Variants in IPO4 observed in about 807,000 individuals in gnomAD.
The protein encoded by IPO4 is importin 4.
A neutral mutation model predicts 133.5 loss-of-function variants in IPO4; 91 were observed. That is an observed-to-expected ratio of 0.68 (90% CI 0.58 to 0.81). The LOEUF (loss-of-function observed/expected upper bound fraction) is 0.81. Among genes scored for constraint, IPO4 ranks in the 30% least tolerant of loss-of-function variants. The probability of loss-of-function intolerance (pLI) is 0.00; values close to 1 mark genes in which losing one functional copy is unlikely to be tolerated. For synonymous variants in IPO4, 607 were observed against 581.6 expected (o/e 1.04, Z -0.63); for missense variants, 1,279 against 1,386.2 (o/e 0.92, Z 1.23).
At position 24,187,543 on chromosome 14, in the gene IPO4, G is replaced by A. The variant is rs760466983; in HGVS notation, c.445C>T (p.Arg149Trp). The A allele has an allele frequency of 1.3e-5, 21 of 1,614,022 alleles. No individual in the cohort carries two copies. Among genetic ancestry groups the A allele is most frequent in the East Asian group, 4.5e-5 (2 of 44,900 alleles). The change falls in exon 6 of 30, where the codon CGG becomes TGG. Residue 149 changes from arginine (R) to tryptophan (W), a missense_variant. Physicochemically the swap from Arg to Trp is moderately radical, Grantham distance 101 (BLOSUM62 -3). Transcript: ENST00000354464. The part of the protein sequence containing the change: ...LLLLSVVVTS[R>W]PEAFQPHHRE... ...TGGTGGGGTTGGAAGGCCTCGGGCCGGGAGGTCACCACCACACTTAGCAGC... is the reference window on the plus strand; with the variant it reads ...TGGTGGGGTTGGAAGGCCTCGGGCCAGGAGGTCACCACCACACTTAGCAGC...
intron 24 of IPO4, 154 bp downstream of exon 24, chr14:24,182,638 G>T: frequency 1.0e-6 from 1 of 1,000,660 alleles, no homozygotes; most frequent in Non-Finnish European, 1.6e-6. Context: ...AACTCCCACT[G>T]GCTTAGTGGG....
chr14:24,188,459 A>C (rs1480232409), intron 2 of IPO4, 36 bp from the exon 3 acceptor site: 8 of 1,609,768 alleles, frequency 5.0e-6, no homozygotes, highest in Non-Finnish European at 6.8e-6. Flanking sequence ...GGGTCCGGGC[A>C]GGAAGGTGCT....
rs1202471361 is a variant in IPO4, at chr14:24,184,851, C to A, written c.1522+16G>T. ...TGGGTGAACCCCACATCCCTGCCTC[C>A]TGCCTCTCTCCTCACCAATGGCTCC... On this transcript the variant is annotated intron_variant, in intron 15 of 29. Transcript: ENST00000354464. The A allele has an allele frequency of 1.9e-6, 3 of 1,611,816 alleles. No individual in the cohort carries two copies. The highest frequency in any genetic ancestry group is 2.5e-6 in the Non-Finnish European group (3 of 1,178,282).
chr14:24,183,972 G>GGGCCCC, intron 18 of IPO4, 26 bp downstream of exon 18: 2 of 1,573,274 alleles, frequency 1.3e-6, no homozygotes, highest in Non-Finnish European at 1.7e-6. Context: ...GGCAGGCCTG[G>GGGCCCC]CCCAGCCCAC....
chr14:24,188,375 A>AGCGGGTGTTCAGTCGTCT lies in IPO4; in HGVS notation c.187_204dup (p.Arg63_Arg68dup). On this transcript the variant is annotated inframe_insertion, in exon 3 of 30. Transcript: ENST00000354464. ...CGTTGCTCCGCCGCCAGCCGTCGCC[A>AGCGGGTGTTCAGTCGTCT]GCGGGTGTTCAGTCGTCTGCGGGTC... is the stretch of plus-strand genomic sequence containing the variant. 6.2e-7 allele frequency: 1 copy of AGCGGGTGTTCAGTCGTCT among 1,610,558 alleles called. No homozygotes were observed. Among genetic ancestry groups the AGCGGGTGTTCAGTCGTCT allele is most frequent in the Non-Finnish European group, 8.5e-7 (1 of 1,178,864 alleles).
In IPO4 at chr14:24,183,354, C is replaced by A; in HGVS notation, c.2123G>T (p.Cys708Phe). ...TGCCTTCCGCACATTCAGGTGAGGG[C>A]ACTGCAGGATGAGGAGGGGCGGGAT... The part of the protein sequence containing the change: ...VFEEVFKLLE[C>F]PHLNVRKAAH... The change falls in exon 22 of 30, where the codon TGC becomes TTC. Residue 708 changes from cysteine to phenylalanine, a missense_variant and splice_region_variant. Cys to Phe is a radical substitution (Grantham distance 205, BLOSUM62 -2). This residue lies in a region of IPO4 where 575 missense variants were observed against 653.4 expected (regional missense o/e 0.88). Transcript: ENST00000354464. 1 of 1,608,166 alleles carries A rather than the reference C, an allele frequency of 6.2e-7. No homozygotes were observed. The highest frequency in any genetic ancestry group is 8.5e-7 in the Non-Finnish European group (1 of 1,176,898).
chr14:24,182,861 C>T lies in IPO4; in HGVS notation c.2422-19G>A. The T allele has an allele frequency of 1.2e-6, 2 of 1,613,380 alleles. No homozygotes were observed. The highest frequency in any genetic ancestry group is 1.3e-5 in the African/African-American group (1 of 74,630). The stretch of plus-strand genomic sequence containing the variant: ...AGGCTGTCTACAAGAAGTAGCTCAA[C>T]TTAGCGGAGCTTTCACGCCCCTTCT... On this transcript the variant is annotated intron_variant, in intron 23 of 29. Transcript: ENST00000354464.
chr14:24,186,239 C>T, intron 10 of IPO4, 48 bp downstream of exon 10: 2 of 1,607,160 alleles, frequency 1.2e-6, no homozygotes, highest in Non-Finnish European at 1.7e-6. Context: ...TCCCCAACGT[C>T]CCACAGCCAC....
In IPO4 at chr14:24,187,673, C is replaced by T. The variant is rs753229046; in HGVS notation, c.402G>A (p.Glu134=). The T allele has an allele frequency of 1.2e-6, 2 of 1,614,146 alleles. No homozygotes were observed. The highest frequency in any genetic ancestry group is 1.3e-5 in the African/African-American group (1 of 75,072). ...GCCAACCATGTGATGGTACCTCTCTCTCTGGGCTGTGGGGGCTGTGGGTAC... is the reference window on the plus strand; with the variant it reads ...GCCAACCATGTGATGGTACCTCTCTTTCTGGGCTGTGGGGGCTGTGGGTAC... The part of the protein sequence containing the change: ...QHSTHSPHSP[E]REMGLLLLSV... Residue 134 remains glutamate (E), a synonymous_variant, in exon 5 of 30, where the codon GAG becomes GAA. Coordinates refer to ENST00000354464, the MANE Select transcript of IPO4 (RefSeq NM_024658.4).
chr14:24,183,946 A>C lies in IPO4; in HGVS notation c.1870-48T>G, dbSNP rs754579117. The C allele has an allele frequency of 5.6e-6, 9 of 1,613,608 alleles. No homozygotes were observed. In the East Asian group the frequency reaches 2.0e-4, roughly 36 times the overall value. ...ACTTTGGCTCAGCTGGGCCCAGGAG[A>C]TAAATCCCATTGCAGGGCAGGCCTG... On this transcript the variant is annotated intron_variant, in intron 18 of 29. Coordinates refer to ENST00000354464, the MANE Select transcript of IPO4 (RefSeq NM_024658.4).
At chr14:24,185,409 G>A (rs2039204909) in intron 13 of IPO4, 50 bp downstream of exon 13, 1 of 1,610,052 alleles carries the variant, frequency 6.2e-7, no homozygotes, top group African/African-American at 1.3e-5. Context: ...GATGAAAGAT[G>A]AGGGGAAGGG....
Position 24,187,140 on chromosome 14 carries a change from C to G in IPO4, c.599G>C (p.Arg200Pro), listed in dbSNP as rs757410149. ...YLSTEDVPLA[R>P]MLVPKLIMAM... ...CATGATCAGCTTGGGCACCAACATC[C>G]GAGCGAGAGGCTGAGGGACACATCA... The change falls in exon 7 of 30, where the codon CGG (arginine) becomes CCG (proline). Residue 200 changes from arginine to proline, a missense_variant. Arg to Pro is a moderately radical substitution (Grantham distance 103). Coordinates refer to ENST00000354464, the MANE Select transcript of IPO4 (RefSeq NM_024658.4). The G allele has an allele frequency of 3.7e-6, 6 of 1,613,752 alleles. No homozygotes were observed. Among genetic ancestry groups the G allele is most frequent in the Middle Eastern group, 3.3e-4 (2 of 6,062 alleles).
Position 24,184,783 on chromosome 14 carries a change from A to C in IPO4, c.1523-20T>G. On this transcript the variant is annotated intron_variant, in intron 15 of 29. Coordinates refer to ENST00000354464, the MANE Select transcript of IPO4 (RefSeq NM_024658.4). The stretch of plus-strand genomic sequence containing the variant: ...CCGTAGCTGCAGGATGGAAGGACAG[A>C]ATCAGAGCTGGAGAGGGCAGGGACC... 1 of 1,609,008 alleles carries C rather than the reference A, an allele frequency of 6.2e-7. No homozygotes were observed. Among genetic ancestry groups the C allele is most frequent in the Admixed American group, 1.7e-5 (1 of 59,792 alleles).
rs2039222529 is a variant in IPO4 at position 24,186,340 on chromosome 14, C to T, written c.952G>A (p.Glu318Lys). The T allele has an allele frequency of 1.2e-6, 2 of 1,613,006 alleles. No homozygotes were observed. Among genetic ancestry groups the T allele is most frequent in the Non-Finnish European group, 1.7e-6 (2 of 1,179,414 alleles). The change falls in exon 10 of 30, where the codon GAA (glutamate) becomes AAA (lysine). Residue 318 changes from glutamate (E) to lysine (K), a missense_variant. Glu to Lys is a moderately conservative substitution (Grantham distance 56, BLOSUM62 1). Transcript: ENST00000354464. The stretch of plus-strand genomic sequence containing the variant: ...CCCATCAGCTCAATCTCCAACTCTT[C>T]CTCTTCTGAATCCTGGTCCTCGGGA... ...LDPEDQDSEE[E>K]ELEIELMGET...
chr14:24,182,100 C>A lies in IPO4; in HGVS notation c.2662G>T (p.Gly888Cys), dbSNP rs1257493746. The stretch of plus-strand genomic sequence containing the variant: ...AACTGGGCTGAGGCAGCACCCAGGC[C>A]CTGAATAGTCTCTGCCAAGGTCCCC... ...AVGTLAETIQ[G>C]LGAASAQFVS... The change falls in exon 26 of 30, where the codon GGC becomes TGC. Residue 888 changes from glycine to cysteine, a missense_variant. Transcript: ENST00000354464. 1 of 1,614,032 alleles carries A rather than the reference C, an allele frequency of 6.2e-7. No individual in the cohort carries two copies. The highest frequency in any genetic ancestry group is 1.7e-5 in the Admixed American group (1 of 60,026).
rs762717185 is a variant in IPO4 at position 24,183,523 on chromosome 14, G to A, written c.2064-10C>T. On this transcript the variant is annotated splice_polypyrimidine_tract_variant and intron_variant, in intron 20 of 29. Transcript: ENST00000354464. ...TGGAAGGAAGGCCACACTACAGAGA[G>A]AGACACAGCCGTGGGTAAGGGGCCC... The A allele has an allele frequency of 1.2e-6, 2 of 1,613,952 alleles. No homozygotes were observed. Among genetic ancestry groups the A allele is most frequent in the Non-Finnish European group, 1.7e-6 (2 of 1,179,984 alleles).
Position 24,188,629 on chromosome 14 carries a change from G to T in IPO4, c.79C>A (p.Gln27Lys). The part of the protein sequence containing the change: ...DTERIRRATE[Q>K]LQIVLRAPAA... ...GGGGCCCGAAGAACGATCTGGAGCT[G>T]TTCCGTGGCCTGGGGGGAAGCTAGG... Residue 27 changes from glutamine (Q) to lysine (K), a missense_variant, in exon 2 of 30, where the codon CAG becomes AAG. Gln to Lys is a moderately conservative substitution (Grantham distance 53). Transcript: ENST00000354464. 1 of 1,611,370 alleles carries T rather than the reference G, an allele frequency of 6.2e-7. No individual in the cohort carries two copies.
rs760865675 is a variant in IPO4 at position 24,185,337 on chromosome 14, T to G, written c.1279-25A>C. 3.1e-6 allele frequency: 5 copies of G among 1,613,840 alleles called. No individual in the cohort carries two copies. The Admixed American group carries it at 8.3e-5, about 27-fold the overall frequency. On this transcript the variant is annotated intron_variant, in intron 13 of 29. Transcript: ENST00000354464. ...GCTGGGGGAGGGAGCAAGCAGGGCCTGAGTCAGGTTCACCTGCCGGGCACA... is the reference window on the plus strand; with the variant it reads ...GCTGGGGGAGGGAGCAAGCAGGGCCGGAGTCAGGTTCACCTGCCGGGCACA...
At chr14:24,187,359 T>G in intron 6 of IPO4, 41 bp downstream of exon 6, 2 of 1,601,126 alleles carry the variant, frequency 1.2e-6, no homozygotes, top group Non-Finnish European at 1.7e-6. Flanking sequence ...CATGAAGGCA[T>G]GAGGAAAGGG....
Sources: allele counts gnomAD v4.1 joint callset, GRCh38; gene constraint gnomAD v4.1.1; regional missense constraint gnomAD v4.1.1; transcripts MANE v1.5; gene names NCBI Gene and HGNC (gene_info 2026-07-23, HGNC 2026-07-21).